ADCY5: variants seen among roughly 807,000 people sequenced by gnomAD.
The protein encoded by ADCY5 is adenylate cyclase type 5.
A neutral mutation model predicts 119.7 loss-of-function variants in ADCY5; 30 were observed. The ratio of observed to expected loss-of-function variants is 0.25; its 90% CI spans 0.19 to 0.34. ADCY5 has a LOEUF of 0.34. ADCY5 is among the 10% of genes least tolerant of loss of function. ADCY5 has a pLI of 1.00. For missense variants in ADCY5, 1,324 were observed against 1,775.2 expected (o/e 0.75, Z 4.57); for synonymous variants, 753 against 762.2 (o/e 0.99, Z 0.20).
chr3:123,384,997 A>AAGCC (rs990052434), intron 1 of ADCY5, among the ~76,000 whole-genome samples: 1 of 152,118 alleles, frequency 6.6e-6, no homozygotes, highest in Non-Finnish European at 1.5e-5. Context: ...GAACACTGCA[A>AAGCC]AGCCAGCCAC....
intron 1 of ADCY5, among the ~76,000 whole-genome samples, chr3:123,407,115 G>A (rs1390201981): frequency 6.6e-6 from 1 of 152,000 alleles, no homozygotes; most frequent in Non-Finnish European, 1.5e-5. Context: ...TGCCCCTCCT[G>A]GCCAAGCTTT....
At chr3:123,358,793 C>A (rs1050234195) in intron 1 of ADCY5, among the ~76,000 whole-genome samples, 1 of 152,190 alleles carries the variant, frequency 6.6e-6, no homozygotes, top group African/African-American at 2.4e-5. Flanking sequence ...CCCAGCACTT[C>A]TGAAACCCAA....
intron 1 of ADCY5, among the ~76,000 whole-genome samples, chr3:123,381,515 G>A (rs1329603036): frequency 6.6e-6 from 1 of 152,252 alleles, no homozygotes; most frequent in African/African-American, 2.4e-5. Flanking sequence ...TGGTCTGGGA[G>A]AAGCTGGATG....
chr3:123,410,628 A>G (rs1224655032), intron 1 of ADCY5, among the ~76,000 whole-genome samples: 1 of 152,170 alleles, frequency 6.6e-6, no homozygotes, highest in Non-Finnish European at 1.5e-5. Flanking sequence ...CAGCTCTTAG[A>G]TTAATCACCA....
At chr3:123,314,449 G>T in intron 11 of ADCY5, 127 bp from the exon 12 acceptor site, 1 of 694,982 alleles carries the variant, frequency 1.4e-6, no homozygotes, top group Non-Finnish European at 2.4e-6. Flanking sequence ...GAGGGCCTGG[G>T]CTCTGAAATC....
intron 1 of ADCY5, among the ~76,000 whole-genome samples, chr3:123,359,335 T>C (rs1362376150): frequency 2.2e-4 from 4 of 18,402 alleles, no homozygotes; most frequent in African/African-American, 6.3e-4. Flanking sequence ...TACTAAAATA[T>C]ATATATATAT....
Position 123,390,162 on chromosome 3 carries a change from C to A in ADCY5, c.1135-37581G>T, listed in dbSNP as rs150774344. Among the ~76,000 whole-genome samples the A allele has an allele frequency of 4.2e-4, 64 of 152,302 alleles. 1 individual carries two copies. The East Asian group carries it at 0.012, about 28-fold the overall frequency. Reference sequence around the variant, plus strand: ...GGGCCATCAGCTAGAGGAGAGAGGCCGTCCCCTACGACCCTTCCCCAGCAG... The same window carrying A: ...GGGCCATCAGCTAGAGGAGAGAGGCAGTCCCCTACGACCCTTCCCCAGCAG... On this transcript the variant is annotated intron_variant, in intron 1 of 20. Coordinates refer to ENST00000462833, the MANE Select transcript of ADCY5 (RefSeq NM_183357.3).
chr3:123,354,945 G>C (rs1032196985), intron 1 of ADCY5, among the ~76,000 whole-genome samples: 1 of 152,188 alleles, frequency 6.6e-6, no homozygotes, highest in East Asian at 1.9e-4. Context: ...GAATGGAAGG[G>C]AAGTCCCTTA....
At chr3:123,404,256 AGC>A (rs2107613774) in intron 1 of ADCY5, 1 of 152,328 alleles carries the variant, frequency 6.6e-6, no homozygotes, top group Non-Finnish European at 1.5e-5. Flanking sequence ...CTGGTTGACA[AGC>A]ACCCCGAGTG....
chr3:123,410,322 C>A (rs1945012437), intron 1 of ADCY5, among the ~76,000 whole-genome samples: 1 of 151,978 alleles, frequency 6.6e-6, no homozygotes. Flanking sequence ...TCCCCCTCCT[C>A]CTCCTCCCCC....
At chr3:123,420,470 G>C (rs1945280658) in intron 1 of ADCY5, among the ~76,000 whole-genome samples, 2 of 152,186 alleles carry the variant, frequency 1.3e-5, no homozygotes, top group African/African-American at 4.8e-5. Flanking sequence ...CTAAGAAAGA[G>C]GTGAGAGGCA....
At chr3:123,320,797 A>G in intron 8 of ADCY5, 26 bp from the exon 9 acceptor site, 1 of 1,550,430 alleles carries the variant, frequency 6.4e-7, no homozygotes, top group Non-Finnish European at 8.9e-7. Flanking sequence ...AGAAAGAGAA[A>G]GAGAAGAGAA....
intron 1 of ADCY5, among the ~76,000 whole-genome samples, chr3:123,375,342 T>C (rs1003380826): frequency 6.6e-6 from 1 of 152,252 alleles, no homozygotes; most frequent in African/African-American, 2.4e-5. Context: ...CAAACAGAGA[T>C]AAACCAGACG....
intron 8 of ADCY5, among the ~76,000 whole-genome samples, chr3:123,325,083 G>C (rs542360237): frequency 6.6e-6 from 1 of 152,242 alleles, no homozygotes; most frequent in Non-Finnish European, 1.5e-5. Context: ...GGGAGGAAGG[G>C]GTGCTGCCAG....
At chr3:123,287,610 C>T (rs528318700) in intron 19 of ADCY5, among the ~76,000 whole-genome samples, 1 of 149,500 alleles carries the variant, frequency 6.7e-6, no homozygotes, top group Non-Finnish European at 1.5e-5. Flanking sequence ...CAAACTAGGC[C>T]CCTGGTGACC....
chr3:123,399,253 A>T (rs1023613082), intron 1 of ADCY5, among the ~76,000 whole-genome samples: 3 of 152,246 alleles, frequency 2.0e-5, no homozygotes, highest in Non-Finnish European at 4.4e-5. Flanking sequence ...TAAAATGATA[A>T]TATTTGGATA....
chr3:123,360,130 T>G (rs1943196110), intron 1 of ADCY5, among the ~76,000 whole-genome samples: 1 of 152,070 alleles, frequency 6.6e-6, no homozygotes, highest in Non-Finnish European at 1.5e-5. Flanking sequence ...CCTCTAAAAT[T>G]TTTCCTTTCA....
intron 1 of ADCY5, among the ~76,000 whole-genome samples, chr3:123,369,005 AG>A (rs1327194259): frequency 2.0e-5 from 3 of 152,178 alleles, no homozygotes; most frequent in Non-Finnish European, 4.4e-5. Flanking sequence ...GATGGGCTAC[AG>A]GGTCTCTGCT....
At chr3:123,396,830 G>C (rs910364235) in intron 1 of ADCY5, among the ~76,000 whole-genome samples, 1 of 150,780 alleles carries the variant, frequency 6.6e-6, no homozygotes, top group Non-Finnish European at 1.5e-5. Context: ...GAGAGAGAGA[G>C]AGAGAGAGAG....
Sources: allele counts gnomAD v4.1 joint callset (sites outside exome capture counted in the v4.1 genomes callset), GRCh38; gene constraint gnomAD v4.1.1; transcripts MANE v1.5; gene names NCBI Gene and HGNC (gene_info 2026-07-23, HGNC 2026-07-21).